NELL2: variants seen among roughly 807,000 people sequenced by gnomAD.
NELL2 encodes the protein neural EGFL like 2.
In NELL2, 41 loss-of-function variants were observed where a neutral mutation model predicts 109.6. That is an observed-to-expected ratio of 0.37 (90% CI 0.29 to 0.49). NELL2 has a LOEUF of 0.49. NELL2 is among the 20% of genes least tolerant of loss of function. NELL2 has a pLI of 0.98. For missense variants in NELL2, 900 were observed against 1,008.3 expected, an observed-to-expected ratio of 0.89 and a Z score of 1.45; for synonymous variants, 355 against 344.7, an observed-to-expected ratio of 1.03 and a Z score of -0.33.
intron 15 of NELL2, among the ~76,000 whole-genome samples, chr12:44,567,699 T>C (rs1943713705): frequency 1.3e-5 from 2 of 152,196 alleles, no homozygotes; most frequent in Non-Finnish European, 2.9e-5. Flanking sequence ...TTGCTTAATT[T>C]GCTACCCTAA....
intron 13 of NELL2, among the ~76,000 whole-genome samples, chr12:44,665,101 C>A (rs1447077785): frequency 6.6e-6 from 1 of 150,476 alleles, no homozygotes; most frequent in African/African-American, 2.4e-5. Context: ...AACTCTAAAT[C>A]TATCTCTGAA....
intron 9 of NELL2, among the ~76,000 whole-genome samples, chr12:44,740,396 T>C (rs1939890204): frequency 6.6e-6 from 1 of 152,178 alleles, no homozygotes; most frequent in Non-Finnish European, 1.5e-5. Context: ...GGTAGAACCC[T>C]GGCATACCTT....
rs902429724 is a variant in NELL2 at position 44,703,575 on chromosome 12, A to G, written c.1318+151T>C. 5.8e-5 allele frequency: 45 copies of G among 770,222 alleles called. No homozygotes were observed. In the South Asian group the frequency reaches 7.8e-4, roughly 13 times the overall value. The allele number at this position is 770,222 out of a possible 1,614,324, so 47.7% of individuals were successfully genotyped here. Reference sequence around the variant, plus strand: ...TAGCTGAAAAACTTTAATTTGAAAGATAATTATTTTTAGCTGATTAATATG... The same window carrying G: ...TAGCTGAAAAACTTTAATTTGAAAGGTAATTATTTTTAGCTGATTAATATG... On this transcript the variant is annotated intron_variant, in intron 12 of 19. Coordinates refer to ENST00000429094, the MANE Select transcript of NELL2 (RefSeq NM_001145108.2).
At chr12:44,674,349 C>A (rs1454407833) in intron 12 of NELL2, among the ~76,000 whole-genome samples, 1 of 152,008 alleles carries the variant, frequency 6.6e-6, no homozygotes, top group Non-Finnish European at 1.5e-5. Context: ...ACAAATCCTA[C>A]AGGGACTGAT....
intron 9 of NELL2, among the ~76,000 whole-genome samples, chr12:44,745,915 A>G (rs1483145773): frequency 6.6e-6 from 1 of 152,212 alleles, no homozygotes. Context: ...TCAAGCTACC[A>G]ATGACTTTCT....
rs531385978 is a variant in NELL2, at chr12:44,804,344, A to G, written c.335+11642T>C. Among the ~76,000 whole-genome samples, 38 of 152,044 alleles carry G rather than the reference A, an allele frequency of 2.5e-4. No homozygotes were observed. In the East Asian group the frequency reaches 6.9e-3, roughly 28 times the overall value. On this transcript the variant is annotated intron_variant, in intron 3 of 19. Coordinates refer to ENST00000429094, the MANE Select transcript of NELL2 (RefSeq NM_001145108.2). ...CAGCTGTTATGAAACATATCAATAC[A>G]TCTTTCAACCACAAAAATATAAGAC...
At chr12:44,518,703 A>G (rs1941390816) in intron 19 of NELL2, among the ~76,000 whole-genome samples, 1 of 152,226 alleles carries the variant, frequency 6.6e-6, no homozygotes, top group African/African-American at 2.4e-5. Context: ...ATAATCTCAC[A>G]GAAAGATTAA....
Position 44,512,752 on chromosome 12 carries a change from T to C in NELL2, c.2401-3768A>G, listed in dbSNP as rs529106941. Among the ~76,000 whole-genome samples, 4 of 152,144 alleles carry C rather than the reference T, an allele frequency of 2.6e-5. No homozygotes were observed. In the East Asian group the frequency reaches 5.8e-4, roughly 22 times the overall value. ...CATACTACATGTTCTCTCTTATATG[T>C]TGGAGCTAAAAAATTCATCTTATAG... On this transcript the variant is annotated intron_variant, in intron 19 of 19. Transcript: ENST00000429094.
chr12:44,890,300 G>A (rs975620459), intron 1 of NELL2, among the ~76,000 whole-genome samples: 7 of 152,142 alleles, frequency 4.6e-5, no homozygotes, highest in Admixed American at 3.3e-4. Flanking sequence ...CTGACTCTTA[G>A]TATTCACAGC....
At chr12:44,738,865 A>G (rs1939789786) in intron 9 of NELL2, among the ~76,000 whole-genome samples, 4 of 152,216 alleles carry the variant, frequency 2.6e-5, no homozygotes, top group African/African-American at 9.6e-5. Flanking sequence ...AATAAGCTGA[A>G]TTAGTGAATC....
At chr12:44,876,753 A>T (rs915743216), upstream of NELL2, 2 of 1,497,326 alleles carry the variant, frequency 1.3e-6, no homozygotes, top group African/African-American at 2.8e-5. Context: ...GCTCCGGAGC[A>T]GCCCCGGGGT....
intron 2 of NELL2, chr12:44,875,018 T>C (rs1945272121): frequency 1.7e-6 from 1 of 585,142 alleles, no homozygotes; most frequent in Non-Finnish European, 2.9e-6. Flanking sequence ...CTGGCAAGAG[T>C]ACAAAGTACG....
chr12:44,877,551 ACCAAAATG>A (rs1467351139), upstream of NELL2, among the ~76,000 whole-genome samples: 1 of 151,874 alleles, frequency 6.6e-6, no homozygotes, highest in Non-Finnish European at 1.5e-5. Context: ...AGCTACAGTT[ACCAAAATG>A]CCTACTGGGT....
At chr12:44,714,765 T>C in intron 9 of NELL2, 24 bp from the exon 10 acceptor site, 1 of 1,441,316 alleles carries the variant, frequency 6.9e-7, no homozygotes, top group Non-Finnish European at 9.5e-7. Context: ...AATACATATA[T>C]ATTTATTTTA....
At chr12:44,798,946 C>CTT (rs1157006162) in intron 3 of NELL2, among the ~76,000 whole-genome samples, 2,777 of 77,402 alleles carry the variant, frequency 0.036, 361 homozygotes, top group Non-Finnish European at 0.053. Context: ...ATGATTTCCA[C>CTT]TTTTTTTTTT....
intron 13 of NELL2, among the ~76,000 whole-genome samples, chr12:44,644,608 G>GTGTGTGTATATATATA (rs1461808442): frequency 1.1e-5 from 1 of 90,830 alleles, no homozygotes; most frequent in African/African-American, 4.6e-5. Flanking sequence ...ATATATGTAT[G>GTGTGTGTATATATATA]TATATATATA....
intron 1 of NELL2, among the ~76,000 whole-genome samples, chr12:44,886,998 C>A (rs938285225): frequency 6.6e-6 from 1 of 151,962 alleles, no homozygotes; most frequent in Non-Finnish European, 1.5e-5. Context: ...CATATACTAC[C>A]TTTTCTTCAT....
At chr12:44,756,943 T>C (rs1045897455) in intron 9 of NELL2, among the ~76,000 whole-genome samples, 2 of 152,154 alleles carry the variant, frequency 1.3e-5, no homozygotes, top group African/African-American at 4.8e-5. Flanking sequence ...CTTCTAAACA[T>C]CAGACTTATG....
intron 12 of NELL2, among the ~76,000 whole-genome samples, chr12:44,666,981 C>T (rs943321849): frequency 3.9e-5 from 6 of 152,100 alleles, no homozygotes; most frequent in Non-Finnish European, 7.4e-5. Flanking sequence ...TCTTGTTTAC[C>T]GGTAGATTAA....
Sources: allele counts gnomAD v4.1 joint callset (sites outside exome capture counted in the v4.1 genomes callset), GRCh38; gene constraint gnomAD v4.1.1; transcripts MANE v1.5; gene names NCBI Gene and HGNC (gene_info 2026-07-23, HGNC 2026-07-21).